The following LATS1 variants were observed in gnomAD, a reference collection of about 807,000 sequenced individuals.
LATS1 encodes large tumor suppressor kinase 1.
A neutral mutation model predicts 106.6 loss-of-function variants in LATS1; 25 were observed. That is an observed-to-expected ratio of 0.23 (90% CI 0.17 to 0.33). LATS1 has a LOEUF of 0.33. Ranked by LOEUF, LATS1 falls within the 10% of genes least tolerant of loss-of-function variation. The pLI is 1.00. For missense variants in LATS1, 1,040 were observed against 1,382.6 expected, an observed-to-expected ratio of 0.75 and a Z score of 3.93; for synonymous variants, 465 against 455.6, an observed-to-expected ratio of 1.02 and a Z score of -0.26.
chr6:149,711,068 T>C (rs1339634411), intron 1 of LATS1, among the ~76,000 whole-genome samples: 1 of 152,012 alleles, frequency 6.6e-6, no homozygotes, highest in Non-Finnish European at 1.5e-5. Flanking sequence ...AGCCTTCCCA[T>C]CAAACCTAAT....
In LATS1 at chr6:149,661,747, G is replaced by A. The variant is rs150742542; in HGVS notation, c.3375C>T (p.Arg1125=). 4 of 1,564,806 alleles carry A rather than the reference G, an allele frequency of 2.6e-6. No homozygotes were observed. The highest frequency in any genetic ancestry group is 1.4e-5 in the African/African-American group (1 of 72,666). The change falls in exon 8 of 8, where the codon CGC becomes CGT. Residue 1125 remains arginine (R), a synonymous_variant. Transcript: ENST00000543571. The part of the protein sequence containing the change: ...DQNTGSEIKN[R]DLVYV ...TAGTGTGTTAAACATATACTAGATC[G>A]CGATTTTTAATCTCTGAGCCTGTGT...
chr6:149,700,671 T>C (rs1783401048), intron 2 of LATS1, among the ~76,000 whole-genome samples: 1 of 152,224 alleles, frequency 6.6e-6, no homozygotes, highest in South Asian at 2.1e-4. Flanking sequence ...GTTATCTTTA[T>C]ACAGTGAAGC....
intron 2 of LATS1, among the ~76,000 whole-genome samples, chr6:149,700,655 A>T (rs1027771157): frequency 6.6e-6 from 1 of 152,236 alleles, no homozygotes; most frequent in Non-Finnish European, 1.5e-5. Context: ...AGGAATTTTA[A>T]GAGTAGTTAT....
intron 4 of LATS1, 131 bp downstream of exon 4, chr6:149,682,948 T>C (rs958416026): frequency 1.4e-6 from 1 of 711,270 alleles, no homozygotes; most frequent in Admixed American, 3.5e-5. Flanking sequence ...TATTCACTTT[T>C]AAATTCCATA....
At chr6:149,684,642 C>A in intron 3 of LATS1, 50 bp from the exon 4 acceptor site, 2 of 1,376,730 alleles carry the variant, frequency 1.5e-6, no homozygotes, top group South Asian at 1.6e-5. Flanking sequence ...TTTTTAACCT[C>A]TAATTTTTGA....
In LATS1 at chr6:149,709,668, CTTTTTTTTTTTTT is replaced by C. The variant is rs142425039; in HGVS notation, c.-140-7415_-140-7403del. On this transcript the variant is annotated intron_variant, in intron 1 of 7. Transcript: ENST00000543571. ...AACCCTGGTCTCCACAACCCCTTAT[CTTTTTTTTTTTTT>C]TTTTTTTTTTTTTAGATGGAGTCTC... Among the ~76,000 whole-genome samples the C allele has an allele frequency of 2.9e-4, 22 of 75,502 alleles. No homozygotes were observed. The South Asian group carries it at 8.2e-3, about 28-fold the overall frequency. The allele number at this position is 75,502 out of a possible 152,430, so 49.5% of individuals were successfully genotyped here.
chr6:149,697,441 A>G (rs981549083), intron 2 of LATS1, among the ~76,000 whole-genome samples: 4 of 152,204 alleles, frequency 2.6e-5, no homozygotes, highest in African/African-American at 9.6e-5. Context: ...AATTTAAGAT[A>G]TTCATAAGAG....
chr6:149,663,953 G>A (rs1256002314), intron 7 of LATS1, among the ~76,000 whole-genome samples: 1 of 151,736 alleles, frequency 6.6e-6, no homozygotes, highest in Non-Finnish European at 1.5e-5. Context: ...GATTACAGGT[G>A]CCCGCCACCT....
chr6:149,709,313 T>G (rs2115003935), intron 1 of LATS1, among the ~76,000 whole-genome samples: 1 of 152,326 alleles, frequency 6.6e-6, no homozygotes, highest in African/African-American at 2.4e-5. Context: ...AATTCCAGCC[T>G]GACTCTAGCA....
intron 1 of LATS1, among the ~76,000 whole-genome samples, chr6:149,705,916 G>A (rs979507648): frequency 4.6e-5 from 7 of 152,024 alleles, no homozygotes; most frequent in African/African-American, 1.7e-4. Flanking sequence ...AGGCACAGTG[G>A]CTCACTCCTA....
chr6:149,710,980 TA>T (rs1784054295), intron 1 of LATS1, among the ~76,000 whole-genome samples: 1 of 152,168 alleles, frequency 6.6e-6, no homozygotes, highest in Admixed American at 6.6e-5. Flanking sequence ...GAGGCAGGAT[TA>T]AAAGACTGAG....
intron 2 of LATS1, among the ~76,000 whole-genome samples, chr6:149,698,833 A>G (rs933840163): frequency 3.9e-4 from 60 of 152,146 alleles, no homozygotes; most frequent in African/African-American, 1.4e-3. Flanking sequence ...AAGTGCTAGG[A>G]TACAGGCGTG....
intron 7 of LATS1, among the ~76,000 whole-genome samples, chr6:149,664,691 G>T (rs1459864560): frequency 6.6e-6 from 1 of 152,046 alleles, no homozygotes; most frequent in Non-Finnish European, 1.5e-5. Context: ...ATGTAAATTT[G>T]AAGTACCATT....
chr6:149,673,146 G>C (rs1411459242), intron 7 of LATS1, among the ~76,000 whole-genome samples: 1 of 144,618 alleles, frequency 6.9e-6, no homozygotes, highest in East Asian at 2.1e-4. Flanking sequence ...ACCCAGGCTG[G>C]AGTGCAGTGG....
At chr6:149,688,370 G>A (rs562181393) in intron 3 of LATS1, among the ~76,000 whole-genome samples, 1 of 151,828 alleles carries the variant, frequency 6.6e-6, no homozygotes, top group Admixed American at 6.6e-5. Flanking sequence ...ATGCAATGGC[G>A]CAATCTCAGC....
chr6:149,716,722 T>C (rs1392463348), intron 1 of LATS1, among the ~76,000 whole-genome samples: 1 of 152,216 alleles, frequency 6.6e-6, no homozygotes, highest in East Asian at 1.9e-4. Flanking sequence ...GCATGGACCA[T>C]GATCTAGTTT....
intron 7 of LATS1, among the ~76,000 whole-genome samples, chr6:149,665,546 A>G (rs1781093835): frequency 6.6e-6 from 1 of 152,148 alleles, no homozygotes; most frequent in Admixed American, 6.6e-5. Context: ...GCCCCAGGGA[A>G]CAGGAAAGTA....
rs1324948641 is a variant in LATS1, at chr6:149,704,450, T to TA, written c.-140-2185dup. ...ACAATTTATTGCTGTGAAAATATGC[T>TA]AAAAAAACACTTTAAATGGGTAAAC... On this transcript the variant is annotated intron_variant, in intron 1 of 7. Transcript: ENST00000543571. 6.6e-5 allele frequency among the ~76,000 whole-genome samples: 10 copies of TA among 150,876 alleles called. No homozygotes were observed. In the East Asian group the frequency reaches 1.2e-3, roughly 18 times the overall value.
At chr6:149,667,197 G>T (rs1481792232) in intron 7 of LATS1, among the ~76,000 whole-genome samples, 1 of 151,928 alleles carries the variant, frequency 6.6e-6, no homozygotes, top group Non-Finnish European at 1.5e-5. Context: ...CACTTTGGGA[G>T]GCCGAGGCAG....
Sources: allele counts gnomAD v4.1 joint callset (sites outside exome capture counted in the v4.1 genomes callset), GRCh38; gene constraint gnomAD v4.1.1; transcripts MANE v1.5; gene names NCBI Gene and HGNC (gene_info 2026-07-23, HGNC 2026-07-21).